Variants in TACR3 observed in about 807,000 individuals in gnomAD.
The protein encoded by TACR3 is neuromedin-K receptor.
In TACR3, 34 loss-of-function variants were observed where a neutral mutation model predicts 35.0. The ratio of observed to expected loss-of-function variants is 0.97; its 90% CI spans 0.74 to 1.30. TACR3 has a LOEUF of 1.30. Among genes scored for constraint, TACR3 ranks in the 50% most tolerant of loss-of-function variants. The pLI, the probability that TACR3 is intolerant of heterozygous loss-of-function variation, is 0.00. For synonymous variants in TACR3, 233 were observed against 221.1 expected (o/e 1.05, Z -0.48); for missense variants, 558 against 591.7 (o/e 0.94, Z 0.59).
rs1275369194 is a variant in TACR3, at chr4:103,586,917, A to C, written c.*2765T>G. On this transcript the variant is annotated 3_prime_UTR_variant, in exon 5 of 5. Coordinates refer to ENST00000304883, the MANE Select transcript of TACR3 (RefSeq NM_001059.3). ...TTTTGTTTAAAAGAGAATACTTACA[A>C]TGATGTAAGCCTTTTTGATTCTTTC... The C allele has an allele frequency of 6.6e-6, 1 of 152,072 alleles. No individual in the cohort carries two copies. Among genetic ancestry groups the C allele is most frequent in the Non-Finnish European group, 1.5e-5 (1 of 68,012 alleles). 9.4% of individuals were successfully genotyped at this position (152,072 alleles called of 1,614,324 possible).
chr4:103,615,019 T>C (rs977919487), intron 3 of TACR3, among the ~76,000 whole-genome samples: 12 of 150,144 alleles, frequency 8.0e-5, no homozygotes, highest in African/African-American at 2.9e-4. Context: ...CTCAGCCTCC[T>C]GAGTAACTGG....
At chr4:103,680,508 C>CACATATATATATATAT (rs1560528588) in intron 1 of TACR3, among the ~76,000 whole-genome samples, 15 of 145,852 alleles carry the variant, frequency 1.0e-4, no homozygotes, top group African/African-American at 3.7e-4. Flanking sequence ...CACACACACA[C>CACATATATATATATAT]ACACATATAT....
chr4:103,708,697 C>T (rs1179487137), intron 1 of TACR3, among the ~76,000 whole-genome samples: 1 of 152,186 alleles, frequency 6.6e-6, no homozygotes, highest in African/African-American at 2.4e-5. Context: ...TTCAGATGAT[C>T]AAACTTCTCT....
At chr4:103,704,105 C>CAAAAAA (rs59034473) in intron 1 of TACR3, among the ~76,000 whole-genome samples, 80 of 64,624 alleles carry the variant, frequency 1.2e-3, no homozygotes, top group Non-Finnish European at 1.7e-3. Flanking sequence ...CTCTATCTCA[C>CAAAAAA]AAAAAAAAAA....
rs561508385 is a variant in TACR3 at position 103,633,453 on chromosome 4, G to T, written c.888+22741C>A. Among the ~76,000 whole-genome samples, 7 of 151,984 alleles carry T rather than the reference G, an allele frequency of 4.6e-5. No individual in the cohort carries two copies. In the East Asian group the frequency reaches 1.4e-3, roughly 29 times the overall value. On this transcript the variant is annotated intron_variant, in intron 3 of 4. Transcript: ENST00000304883. ...TCCATAAGTTATTGGGGTACAGGTG[G>T]TATTTGGTTACATAAGTAAATTCTT...
At chr4:103,696,997 T>C (rs960478399) in intron 1 of TACR3, among the ~76,000 whole-genome samples, 2 of 152,180 alleles carry the variant, frequency 1.3e-5, no homozygotes, top group South Asian at 4.1e-4. Flanking sequence ...CACTGTAACC[T>C]TAAACTCCTA....
chr4:103,601,809 G>A (rs1484073744), intron 3 of TACR3, among the ~76,000 whole-genome samples: 1 of 152,156 alleles, frequency 6.6e-6, no homozygotes, highest in African/African-American at 2.4e-5. Flanking sequence ...CTCTCTGGCT[G>A]CGCTTAACAT....
chr4:103,605,707 G>T (rs931372911), intron 3 of TACR3, among the ~76,000 whole-genome samples: 3 of 151,820 alleles, frequency 2.0e-5, no homozygotes, highest in Non-Finnish European at 2.9e-5. Flanking sequence ...TGAGTTCATT[G>T]TAGATTCTGG....
At chr4:103,602,648 G>A (rs1022436399) in intron 3 of TACR3, among the ~76,000 whole-genome samples, 4 of 152,166 alleles carry the variant, frequency 2.6e-5, no homozygotes, top group Admixed American at 6.5e-5. Flanking sequence ...TTTGCCTAGA[G>A]GTCCACTGCA....
chr4:103,705,236 T>G (rs2110226630), intron 1 of TACR3, among the ~76,000 whole-genome samples: 1 of 152,318 alleles, frequency 6.6e-6, no homozygotes, highest in African/African-American at 2.4e-5. Context: ...TATAAAATAC[T>G]AATTGATAAT....
intron 1 of TACR3, among the ~76,000 whole-genome samples, chr4:103,702,178 T>G (rs1485085554): frequency 6.6e-6 from 1 of 152,138 alleles, no homozygotes; most frequent in Non-Finnish European, 1.5e-5. Flanking sequence ...ATCCAGAATC[T>G]ACAATGAACT....
intron 3 of TACR3, among the ~76,000 whole-genome samples, chr4:103,614,884 G>GTTTGTTTTTTT (rs1724601485): frequency 2.8e-5 from 2 of 72,006 alleles, no homozygotes; most frequent in African/African-American, 1.2e-4. Context: ...TTATGAATGT[G>GTTTGTTTTTTT]TTTTTTTTTT....
intron 3 of TACR3, among the ~76,000 whole-genome samples, chr4:103,617,442 C>A (rs954345872): frequency 6.6e-6 from 1 of 152,188 alleles, no homozygotes; most frequent in South Asian, 2.1e-4. Flanking sequence ...TATCTCAAAT[C>A]TTTTTCCAAG....
At chr4:103,619,439 C>T (rs1020488371) in intron 3 of TACR3, among the ~76,000 whole-genome samples, 3 of 152,142 alleles carry the variant, frequency 2.0e-5, no homozygotes, top group South Asian at 2.1e-4. Flanking sequence ...ATCTGCCCAC[C>T]TCAGCCTCCC....
intron 3 of TACR3, among the ~76,000 whole-genome samples, chr4:103,623,032 G>C (rs1724817951): frequency 6.6e-6 from 1 of 152,078 alleles, no homozygotes; most frequent in Admixed American, 6.5e-5. Context: ...TCCAACTGGA[G>C]TATACCTACC....
At chr4:103,620,867 C>A (rs1247948466) in intron 3 of TACR3, among the ~76,000 whole-genome samples, 1 of 149,548 alleles carries the variant, frequency 6.7e-6, no homozygotes, top group African/African-American at 2.5e-5. Context: ...TACACATGTA[C>A]TTGTCTCTAA....
chr4:103,612,935 A>G (rs1724543773), intron 3 of TACR3, among the ~76,000 whole-genome samples: 1 of 152,212 alleles, frequency 6.6e-6, no homozygotes, highest in Non-Finnish European at 1.5e-5. Context: ...ACAAAGTGAA[A>G]GATTGGTATT....
chr4:103,660,580 T>G (rs1560825804), intron 1 of TACR3, among the ~76,000 whole-genome samples: 1 of 151,652 alleles, frequency 6.6e-6, no homozygotes, highest in Non-Finnish European at 1.5e-5. Flanking sequence ...CACAAGGAAA[T>G]TTTTTGAGGT....
intron 3 of TACR3, among the ~76,000 whole-genome samples, chr4:103,614,884 G>GTATTTTTTTTTTTTTTTTT (rs1724601239): frequency 1.4e-5 from 1 of 72,006 alleles, no homozygotes; most frequent in Admixed American, 1.5e-4. Flanking sequence ...TTATGAATGT[G>GTATTTTTTTTTTTTTTTTT]TTTTTTTTTT....
Sources: gnomAD v4.1 joint callset for allele counts (sites outside exome capture counted in the v4.1 genomes callset) on GRCh38, gnomAD v4.1.1 for gene constraint, MANE v1.5 for transcripts, NCBI Gene and HGNC (gene_info 2026-07-23, HGNC 2026-07-21) for gene names.